The following FGD4 variants were observed in gnomAD, a reference collection of about 807,000 sequenced individuals.
FGD4 encodes the protein FYVE, RhoGEF and PH domain-containing protein 4.
Under a neutral mutation model 102.0 loss-of-function variants are expected in FGD4, and 42 were observed. The observed-to-expected ratio is 0.41, with a 90% CI of 0.32 to 0.53. The LOEUF (loss-of-function observed/expected upper bound fraction) is 0.53, where lower values mean the gene tolerates loss of function less well. Among genes scored for constraint, FGD4 ranks in the 20% least tolerant of loss-of-function variants. The probability of loss-of-function intolerance (pLI) is 0.21; values close to 1 mark genes in which losing one functional copy is unlikely to be tolerated. For synonymous variants in FGD4, 380 were observed against 375.7 expected, an observed-to-expected ratio of 1.01 and a Z score of -0.13; for missense variants, 902 against 1,078.2, an observed-to-expected ratio of 0.84 and a Z score of 2.29.
At chr12:32,528,463 A>T (rs1941483447) in intron 1 of FGD4, among the ~76,000 whole-genome samples, 1 of 152,038 alleles carries the variant, frequency 6.6e-6, no homozygotes, top group Middle Eastern at 3.2e-3. Context: ...ATCTCAGCTC[A>T]CTGCAACCTC....
chr12:32,408,851 T>C (rs1941072238), intron 1 of FGD4, among the ~76,000 whole-genome samples: 1 of 152,194 alleles, frequency 6.6e-6, no homozygotes, highest in Non-Finnish European at 1.5e-5. Flanking sequence ...CTGAGATATC[T>C]TGATTTTCCT....
intron 1 of FGD4, among the ~76,000 whole-genome samples, chr12:32,540,240 A>G (rs1177181974): frequency 6.6e-6 from 1 of 152,332 alleles, no homozygotes; most frequent in East Asian, 1.9e-4. Flanking sequence ...TGCAGTGACT[A>G]TGAGAAATGT....
intron 7 of FGD4, among the ~76,000 whole-genome samples, chr12:32,607,547 ACT>A (rs1286618753): frequency 6.6e-6 from 1 of 152,018 alleles, no homozygotes; most frequent in East Asian, 1.9e-4. Context: ...ACGGAGTCTC[ACT>A]CTGTCACCCA....
At chr12:32,566,954 C>G (rs754592135) in intron 2 of FGD4, among the ~76,000 whole-genome samples, 3 of 152,196 alleles carry the variant, frequency 2.0e-5, no homozygotes, top group Non-Finnish European at 4.4e-5. Flanking sequence ...AAAGAAAAAG[C>G]AGATAAACTG....
In FGD4 at chr12:32,564,050, GGAGTGGGAGAGGGGAAATTTAACTTATAA is replaced by G. The variant is rs1212958547; in HGVS notation, c.167-85_167-57del. ...GAGGGAGGGGGAGGGGGAGGGAGAG[GGAGTGGGAGAGGGGAAATTTAACTTATAA>G]GGCAGTATTGTGATATGCCTCCATA... On this transcript the variant is annotated intron_variant, in intron 1 of 16. Coordinates refer to ENST00000534526, the MANE Select transcript of FGD4 (RefSeq NM_001370298.3). 2.4e-6 allele frequency: 3 copies of G among 1,252,206 alleles called. No homozygotes were observed. In the African/African-American group the frequency reaches 5.1e-5, roughly 21 times the overall value. The allele number at this position is 1,252,206 out of a possible 1,614,324, so 77.6% of individuals were successfully genotyped here.
intron 3 of FGD4, among the ~76,000 whole-genome samples, chr12:32,579,037 T>C (rs1565864977): frequency 7.9e-6 from 1 of 127,356 alleles, no homozygotes; most frequent in Non-Finnish European, 1.6e-5. Context: ...TGAACATTAG[T>C]GGTTTTTTTT....
At chr12:32,585,726 C>T (rs766772563) in intron 4 of FGD4, among the ~76,000 whole-genome samples, 4 of 147,526 alleles carry the variant, frequency 2.7e-5, no homozygotes, top group Admixed American at 1.4e-4. Context: ...CCCAGCTACT[C>T]GGGAGGCTTA....
intron 1 of FGD4, among the ~76,000 whole-genome samples, chr12:32,448,389 A>G (rs1942680857): frequency 6.6e-6 from 1 of 151,992 alleles, no homozygotes; most frequent in Non-Finnish European, 1.5e-5. Flanking sequence ...GGGCGCGGGT[A>G]GCTCACCCCT....
intron 2 of FGD4, 26 bp downstream of exon 2, chr12:32,564,315 G>A (rs766856489): frequency 2.2e-5 from 33 of 1,533,668 alleles, no homozygotes; most frequent in African/African-American, 1.1e-4. Context: ...GTTTGTGTTC[G>A]GGGTGGGTAC....
chr12:32,539,809 T>C (rs1942653882), intron 1 of FGD4, among the ~76,000 whole-genome samples: 1 of 152,164 alleles, frequency 6.6e-6, no homozygotes, highest in African/African-American at 2.4e-5. Flanking sequence ...TTATACATTA[T>C]TAGATTACAT....
At chr12:32,446,879 C>CAGGT (rs1942630994) in intron 1 of FGD4, among the ~76,000 whole-genome samples, 1 of 152,146 alleles carries the variant, frequency 6.6e-6, no homozygotes, top group South Asian at 2.1e-4. Flanking sequence ...TCCTGGAGCA[C>CAGGT]AGGTAGGATT....
At position 32,625,011 on chromosome 12, in the gene FGD4, G is replaced by T; in HGVS notation, c.1989G>T (p.Arg663Ser). ...LQETIDAFHQ[R>S]HETFRNAIAK... ...AAACCATCGATGCTTTTCATCAAAGGCATGAAACCTTCAGAAATGCAATTG... is the reference window on the plus strand; with the variant it reads ...AAACCATCGATGCTTTTCATCAAAGTCATGAAACCTTCAGAAATGCAATTG... Residue 663 changes from arginine (R) to serine (S), a missense_variant, in exon 13 of 17, where the codon AGG becomes AGT. Arg to Ser is a moderately radical substitution (Grantham distance 110). Coordinates refer to ENST00000534526, the MANE Select transcript of FGD4 (RefSeq NM_001370298.3). 6.2e-7 allele frequency: 1 copy of T among 1,613,298 alleles called. No individual in the cohort carries two copies.
At chr12:32,414,572 C>T (rs1941331109) in intron 1 of FGD4, among the ~76,000 whole-genome samples, 1 of 152,054 alleles carries the variant, frequency 6.6e-6, no homozygotes, top group Non-Finnish European at 1.5e-5. Context: ...CCCATTTCCC[C>T]TCCTCCCCAG....
At chr12:32,568,108 A>G (rs992659427) in intron 2 of FGD4, among the ~76,000 whole-genome samples, 1 of 152,242 alleles carries the variant, frequency 6.6e-6, no homozygotes, top group African/African-American at 2.4e-5. Context: ...CAGTAAGTAA[A>G]TATTTTTGAA....
intron 1 of FGD4, among the ~76,000 whole-genome samples, chr12:32,540,506 G>T (rs902667877): frequency 1.3e-5 from 2 of 151,968 alleles, no homozygotes; most frequent in African/African-American, 2.4e-5. Context: ...GCATAGTTCT[G>T]AGTAGATGGA....
intron 11 of FGD4, among the ~76,000 whole-genome samples, chr12:32,622,449 G>A (rs1949900538): frequency 6.6e-6 from 1 of 151,996 alleles, no homozygotes; most frequent in Admixed American, 6.6e-5. Flanking sequence ...TATCCAACAC[G>A]GTACTGGATA....
At chr12:32,473,608 T>C (rs1343522402) in intron 1 of FGD4, among the ~76,000 whole-genome samples, 4 of 152,120 alleles carry the variant, frequency 2.6e-5, no homozygotes, top group South Asian at 2.1e-4. Context: ...GGTCTGCGGC[T>C]TCATTCTTGA....
chr12:32,401,013 C>T (rs1330499324), intron 1 of FGD4, among the ~76,000 whole-genome samples: 1 of 152,182 alleles, frequency 6.6e-6, no homozygotes, highest in African/African-American at 2.4e-5. Flanking sequence ...AAACAAGTAA[C>T]TGAATTACAG....
intron 1 of FGD4, among the ~76,000 whole-genome samples, chr12:32,454,987 A>G (rs1186214330): frequency 2.0e-5 from 3 of 152,186 alleles, no homozygotes; most frequent in African/African-American, 7.2e-5. Context: ...GCCAGAGAGC[A>G]TGTTTATTCC....
Sources: allele counts gnomAD v4.1 joint callset (sites outside exome capture counted in the v4.1 genomes callset), GRCh38; gene constraint gnomAD v4.1.1; transcripts MANE v1.5; gene names NCBI Gene and HGNC (gene_info 2026-07-23, HGNC 2026-07-21).